Variants in CNDP1 observed in about 807,000 individuals in gnomAD.
The protein encoded by CNDP1 is beta-Ala-His dipeptidase.
In CNDP1, 44 loss-of-function variants were observed where a neutral mutation model predicts 58.1. The ratio of observed to expected loss-of-function variants is 0.76; its 90% CI spans 0.60 to 0.97. The LOEUF (loss-of-function observed/expected upper bound fraction) is 0.97. Among genes scored for constraint, CNDP1 ranks in the 50% least tolerant of loss-of-function variants. The pLI, the probability that CNDP1 is intolerant of heterozygous loss-of-function variation, is 0.00. For synonymous variants in CNDP1, 254 were observed against 252.6 expected, an observed-to-expected ratio of 1.01 and a Z score of -0.05; for missense variants, 616 against 655.1, an observed-to-expected ratio of 0.94 and a Z score of 0.65.
At chr18:74,559,217 A>C in intron 2 of CNDP1, 106 bp from the exon 3 acceptor site, 1 of 1,073,970 alleles carries the variant, frequency 9.3e-7, no homozygotes. Flanking sequence ...GTCCTTGATC[A>C]ACAGAAAAGT....
chr18:74,547,487 G>A (rs756641425), intron 1 of CNDP1, among the ~76,000 whole-genome samples: 5 of 152,236 alleles, frequency 3.3e-5, no homozygotes, highest in Non-Finnish European at 5.9e-5. Context: ...AAAACAACCA[G>A]TGCAGAAGTG....
intron 5 of CNDP1, among the ~76,000 whole-genome samples, chr18:74,563,504 C>T (rs1981254366): frequency 6.6e-6 from 1 of 152,120 alleles, no homozygotes; most frequent in East Asian, 1.9e-4. Context: ...ACAAAGAAAA[C>T]AGAAGAAATA....
intron 5 of CNDP1, among the ~76,000 whole-genome samples, chr18:74,564,044 C>T (rs1981266910): frequency 6.6e-6 from 1 of 152,134 alleles, no homozygotes; most frequent in Admixed American, 6.6e-5. Flanking sequence ...AATTACTATC[C>T]CCCAAAAGCT....
In CNDP1 at chr18:74,578,217, G is replaced by A. The variant is rs752322284; in HGVS notation, c.1057G>A (p.Glu353Lys). The A allele has an allele frequency of 1.7e-5, 28 of 1,613,920 alleles. No individual in the cohort carries two copies. Among genetic ancestry groups the A allele is most frequent in the East Asian group, 2.2e-5 (1 of 44,892 alleles). The change falls in exon 9 of 12, where the codon GAG becomes AAG. Residue 353 changes from glutamate (E) to lysine (K), a missense_variant. Physicochemically the swap from Glu to Lys is moderately conservative, Grantham distance 56 (BLOSUM62 1). Transcript: ENST00000358821. ...CCCATCTCTTTCTATTCATGGGATC[G>A]AGGGCGCGTTTGATGAGCCTGGAAC... The part of the protein sequence containing the change: ...RYPSLSIHGI[E>K]GAFDEPGTKT...
intron 10 of CNDP1, among the ~76,000 whole-genome samples, chr18:74,581,766 G>T (rs72981759): frequency 1.3e-4 from 20 of 152,136 alleles, no homozygotes; most frequent in Non-Finnish European, 2.8e-4. Flanking sequence ...CACCAGGAGG[G>T]GGACCCTGCC....
chr18:74,534,757 A>T, intron 1 of CNDP1, 66 bp downstream of exon 1: 1 of 1,594,606 alleles, frequency 6.3e-7, no homozygotes, highest in Non-Finnish European at 8.6e-7. Context: ...TCCCGGGAGC[A>T]TGTGCGTTAA....
In CNDP1 at chr18:74,584,491, C is replaced by A. The variant is rs1981863583; in HGVS notation, c.1458-5C>A. The A allele has an allele frequency of 6.2e-7, 1 of 1,607,070 alleles. No homozygotes were observed. Among genetic ancestry groups the A allele is most frequent in the African/African-American group, 1.3e-5 (1 of 74,772 alleles). On this transcript the variant is annotated splice_polypyrimidine_tract_variant and splice_region_variant and intron_variant, in intron 11 of 11. Coordinates refer to ENST00000358821, the MANE Select transcript of CNDP1 (RefSeq NM_032649.6). ...AAAATTTCTCTTTGTTTTTCCTCTTCTTAGGTGGAACTACATAGAGGGAAC... is the reference window on the plus strand; with the variant it reads ...AAAATTTCTCTTTGTTTTTCCTCTTATTAGGTGGAACTACATAGAGGGAAC...
At chr18:74,579,139 C>A (rs1452462466) in intron 9 of CNDP1, among the ~76,000 whole-genome samples, 3 of 148,518 alleles carry the variant, frequency 2.0e-5, no homozygotes, top group African/African-American at 7.7e-5. Context: ...TCCTTCCCTG[C>A]CTCTCTCCTG....
intron 2 of CNDP1, among the ~76,000 whole-genome samples, chr18:74,558,101 T>C (rs1008910703): frequency 6.6e-6 from 1 of 152,216 alleles, no homozygotes; most frequent in Non-Finnish European, 1.5e-5. Context: ...AAGGGTTAGA[T>C]AAATGCCTTC....
At chr18:74,575,430 C>A (rs552431066) in intron 7 of CNDP1, among the ~76,000 whole-genome samples, 1 of 152,186 alleles carries the variant, frequency 6.6e-6, no homozygotes, top group Non-Finnish European at 1.5e-5. Context: ...AGTGGGGACT[C>A]ATTAAGCTGC....
chr18:74,546,520 C>T (rs1980765081), intron 1 of CNDP1, among the ~76,000 whole-genome samples: 2 of 152,178 alleles, frequency 1.3e-5, no homozygotes, highest in African/African-American at 2.4e-5. Context: ...CCTTAAGGTG[C>T]TTGGTAGGTG....
At chr18:74,558,392 C>CTTTTTTTTTTTTTTTTTT (rs71168498) in intron 2 of CNDP1, among the ~76,000 whole-genome samples, 2 of 114,310 alleles carry the variant, frequency 1.7e-5, no homozygotes, top group Non-Finnish European at 3.4e-5. Context: ...CTTTCTTTTT[C>CTTTTTTTTTTTTTTTTTT]TTTTTTTTTT....
chr18:74,539,450 C>T (rs2144637687), intron 1 of CNDP1, among the ~76,000 whole-genome samples: 1 of 152,332 alleles, frequency 6.6e-6, no homozygotes, highest in South Asian at 2.1e-4. Context: ...CTCTCATCCC[C>T]AGTGCCAGCA....
intron 1 of CNDP1, 82 bp from the exon 2 acceptor site, chr18:74,556,256 C>A (rs1413556531): frequency 6.0e-6 from 9 of 1,497,078 alleles, no homozygotes; most frequent in Non-Finnish European, 8.1e-6. Flanking sequence ...AGGTAACAGA[C>A]CTTCTTGAGG....
chr18:74,557,938 T>C (rs1204765583), intron 2 of CNDP1, among the ~76,000 whole-genome samples: 4 of 152,264 alleles, frequency 2.6e-5, no homozygotes, highest in African/African-American at 9.6e-5. Context: ...CCAGAATCAG[T>C]GTGTGGTGGG....
At chr18:74,584,083 G>A in intron 11 of CNDP1, 1 of 299,898 alleles carries the variant, frequency 3.3e-6, no homozygotes, top group Non-Finnish European at 6.2e-6. Context: ...GGGGGGTTAG[G>A]GGTTCAACAC....
chr18:74,555,877 G>C (rs1381642914), intron 1 of CNDP1, among the ~76,000 whole-genome samples: 1 of 152,174 alleles, frequency 6.6e-6, no homozygotes, highest in Non-Finnish European at 1.5e-5. Flanking sequence ...CCAGTGGAAA[G>C]AAACCCCACA....
intron 9 of CNDP1, among the ~76,000 whole-genome samples, chr18:74,579,182 TCCCTTTCCTTCCCTTCCCTTG>T (rs2144577941): frequency 1.3e-5 from 1 of 79,570 alleles, no homozygotes; most frequent in African/African-American, 4.1e-5. Context: ...TTCTCCCTTC[TCCCTTTCCTTCCCTTCCCTTG>T]CCTTCCCTTC....
At chr18:74,571,439 T>C (rs1284513146) in intron 7 of CNDP1, among the ~76,000 whole-genome samples, 169 bp downstream of exon 7, 5 of 152,248 alleles carry the variant, frequency 3.3e-5, no homozygotes, top group Non-Finnish European at 7.3e-5. Context: ...TAAGTAAGTC[T>C]GCATTATTTC....
Sources: gnomAD v4.1 joint callset for allele counts (sites outside exome capture counted in the v4.1 genomes callset) on GRCh38, gnomAD v4.1.1 for gene constraint, MANE v1.5 for transcripts, NCBI Gene and HGNC (gene_info 2026-07-23, HGNC 2026-07-21) for gene names.